The following ROBO2 variants were observed in gnomAD, a reference collection of about 807,000 sequenced individuals.
ROBO2 encodes the protein roundabout guidance receptor 2.
Under a neutral mutation model 160.8 loss-of-function variants are expected in ROBO2, and 53 were observed. The ratio of observed to expected loss-of-function variants is 0.33; its 90% confidence interval spans 0.26 to 0.41. The LOEUF (loss-of-function observed/expected upper bound fraction) is 0.41. Among genes scored for constraint, ROBO2 ranks in the 10% least tolerant of loss-of-function variants. The pLI is 1.00. For missense variants in ROBO2, 1,577 were observed against 1,722.4 expected (o/e 0.92, Z 1.49); for synonymous variants, 664 against 611.7 (o/e 1.09, Z -1.26).
intron 19 of ROBO2, among the ~76,000 whole-genome samples, chr3:77,600,150 C>A (rs2094402342): frequency 6.6e-6 from 1 of 152,168 alleles, no homozygotes; most frequent in South Asian, 2.1e-4. Context: ...AAAAGACCTG[C>A]TAAATATGAC....
At chr3:76,734,669 G>A (rs1576314919) in intron 2 of ROBO2, among the ~76,000 whole-genome samples, 1 of 152,152 alleles carries the variant, frequency 6.6e-6, no homozygotes, top group Non-Finnish European at 1.5e-5. Flanking sequence ...CTCATGCAAA[G>A]TTGTGCTTTG....
intron 2 of ROBO2, among the ~76,000 whole-genome samples, chr3:76,296,015 T>C (rs1709054700): frequency 6.6e-6 from 1 of 152,150 alleles, no homozygotes; most frequent in African/African-American, 2.4e-5. Flanking sequence ...CCACAAAAAA[T>C]CCATTTCAAG....
chr3:76,296,145 A>G (rs928434844), intron 2 of ROBO2, among the ~76,000 whole-genome samples: 1 of 152,078 alleles, frequency 6.6e-6, no homozygotes, highest in African/African-American at 2.4e-5. Context: ...CATATGGAGA[A>G]TACGATGTGA....
intron 2 of ROBO2, among the ~76,000 whole-genome samples, chr3:76,443,127 G>A (rs1052428700): frequency 5.9e-5 from 9 of 151,928 alleles, no homozygotes; most frequent in African/African-American, 2.2e-4. Context: ...AAGGAAGAAG[G>A]GGTGGGGGAG....
intron 2 of ROBO2, among the ~76,000 whole-genome samples, chr3:76,360,133 T>G (rs1056275471): frequency 6.6e-6 from 1 of 152,082 alleles, no homozygotes; most frequent in African/African-American, 2.4e-5. Flanking sequence ...CTAACTACTT[T>G]GCTCCCTGAT....
chr3:76,114,781 C>G lies in ROBO2; in HGVS notation c.109+177179C>G, dbSNP rs187488915. Among the ~76,000 whole-genome samples, 163 of 152,254 alleles carry G rather than the reference C, an allele frequency of 1.1e-3. 3 individuals are homozygous for G. Among genetic ancestry groups the G allele is most frequent in the Admixed American group, 0.01 (158 of 15,274 alleles). ...TTGAAAACTCAGAAAAATAATTTCTCTGACAGTATCAAGTTTTACAAAACA... is the reference window on the plus strand; with the variant it reads ...TTGAAAACTCAGAAAAATAATTTCTGTGACAGTATCAAGTTTTACAAAACA... On this transcript the variant is annotated intron_variant, in intron 2 of 26. Coordinates refer to the ROBO2 transcript ENST00000487694.
At chr3:76,873,613 T>C (rs964017117) in intron 2 of ROBO2, among the ~76,000 whole-genome samples, 2 of 152,070 alleles carry the variant, frequency 1.3e-5, no homozygotes, top group African/African-American at 4.8e-5. Context: ...AGTAGTAGTA[T>C]GAAATGAGGG....
At chr3:76,975,333 C>T (rs1177065981) in intron 2 of ROBO2, among the ~76,000 whole-genome samples, 3 of 152,052 alleles carry the variant, frequency 2.0e-5, no homozygotes, top group African/African-American at 7.2e-5. Context: ...GGCGAAACCC[C>T]GTCTCTGCTA....
intron 2 of ROBO2, among the ~76,000 whole-genome samples, chr3:77,006,195 C>T (rs943441071): frequency 6.6e-6 from 1 of 151,968 alleles, no homozygotes; most frequent in African/African-American, 2.4e-5. Flanking sequence ...CTTTAAGACT[C>T]AGGCATTATC....
At chr3:76,466,111 G>A (rs966792895) in intron 2 of ROBO2, among the ~76,000 whole-genome samples, 2 of 151,238 alleles carry the variant, frequency 1.3e-5, no homozygotes, top group Admixed American at 6.6e-5. Flanking sequence ...TTGCAACAAA[G>A]TACCTATATT....
At chr3:77,188,592 A>G (rs1456975891) in intron 2 of ROBO2, among the ~76,000 whole-genome samples, 1 of 151,924 alleles carries the variant, frequency 6.6e-6, no homozygotes. Flanking sequence ...AAGTGCCAGT[A>G]AAAGTAAATG....
intron 2 of ROBO2, among the ~76,000 whole-genome samples, chr3:77,319,374 A>G (rs1259898388): frequency 6.6e-6 from 1 of 152,182 alleles, no homozygotes; most frequent in East Asian, 1.9e-4. Context: ...TGAGGCATAC[A>G]TACAGAAATC....
At chr3:75,965,985 TGAA>T (rs996763814) in intron 2 of ROBO2, among the ~76,000 whole-genome samples, 1 of 151,862 alleles carries the variant, frequency 6.6e-6, no homozygotes, top group Admixed American at 6.6e-5. Context: ...TGTAAGATAA[TGAA>T]GAGTTGGTAA....
At chr3:76,743,819 G>A (rs1354209051) in intron 2 of ROBO2, among the ~76,000 whole-genome samples, 2 of 151,918 alleles carry the variant, frequency 1.3e-5, no homozygotes, top group African/African-American at 4.8e-5. Flanking sequence ...TAAAATGAGG[G>A]AGAGGGAAAA....
intron 2 of ROBO2, among the ~76,000 whole-genome samples, chr3:76,638,855 A>G (rs2090480075): frequency 6.6e-6 from 1 of 152,154 alleles, no homozygotes; most frequent in Non-Finnish European, 1.5e-5. Context: ...GATATGGCAA[A>G]CATATTGGTT....
At chr3:76,237,979 T>C (rs973860337) in intron 2 of ROBO2, among the ~76,000 whole-genome samples, 2 of 152,146 alleles carry the variant, frequency 1.3e-5, no homozygotes, top group Admixed American at 6.5e-5. Flanking sequence ...TGTGGAGACT[T>C]GGGGTCTGAT....
intron 2 of ROBO2, among the ~76,000 whole-genome samples, chr3:77,375,932 A>G (rs1045250456): frequency 6.6e-6 from 1 of 152,042 alleles, no homozygotes; most frequent in African/African-American, 2.4e-5. Context: ...AGAAAAGTCT[A>G]AGGTAGGCCT....
intron 2 of ROBO2, among the ~76,000 whole-genome samples, chr3:76,583,284 T>C (rs775558979): frequency 5.3e-5 from 8 of 152,184 alleles, no homozygotes; most frequent in Non-Finnish European, 8.8e-5. Context: ...TTCGGTGGAA[T>C]AAATGAATTA....
At chr3:76,993,883 T>TA (rs35033738) in intron 2 of ROBO2, among the ~76,000 whole-genome samples, 10,328 of 143,226 alleles carry the variant, frequency 0.072, 666 homozygotes, top group African/African-American at 0.18. Context: ...TTAGCTTTTG[T>TA]AAAAAAAAAA....
Sources: allele counts gnomAD v4.1 joint callset (sites outside exome capture counted in the v4.1 genomes callset), GRCh38; gene constraint gnomAD v4.1.1; transcripts MANE v1.5; gene names NCBI Gene and HGNC (gene_info 2026-07-23, HGNC 2026-07-21).